GPR179: variants seen among roughly 807,000 people sequenced by gnomAD.
GPR179 encodes the protein G protein-coupled receptor 179, also known as probable G protein-coupled receptor 179.
A neutral mutation model predicts 70.8 loss-of-function variants in GPR179; 52 were observed. The observed-to-expected ratio is 0.73, with a 90% CI of 0.59 to 0.93. The LOEUF is 0.93. Ranked by LOEUF, GPR179 falls within the 40% of genes least tolerant of loss-of-function variation. GPR179 has a pLI of 0.00. For synonymous variants in GPR179, 1,123 were observed against 1,169.0 expected, an observed-to-expected ratio of 0.96 and a Z score of 0.80; for missense variants, 2,734 against 2,966.8, an observed-to-expected ratio of 0.92 and a Z score of 1.82.
Position 38,328,144 on chromosome 17 carries a change from C to T in GPR179, c.5425G>A (p.Ala1809Thr), listed in dbSNP as rs1444220120. Reference protein sequence around the residue: ...GEVCPWEAQEAATSEKAKICP... With the variant: ...GEVCPWEAQETATSEKAKICP... ...ATCTTGGCTTTTTCACTGGTAGCAG[C>T]TTCCTGTGCTTCCCAGGGACACACT... The change falls in exon 11 of 11, where the codon GCT (alanine) becomes ACT (threonine). Residue 1809 changes from alanine to threonine, a missense_variant. Transcript: ENST00000616987. 2.5e-6 allele frequency: 4 copies of T among 1,611,372 alleles called. No individual in the cohort carries two copies. The highest frequency in any genetic ancestry group is 2.2e-5 in the South Asian group (2 of 90,942).
Position 38,343,818 on chromosome 17 carries a change from T to G in GPR179, c.-29A>C. ...TGGGGCAGCTCTCAGGACCCTGGGG[T>G]CCAGGCTCAGGAGAGCCCAGGCAGA... On this transcript the variant is annotated 5_prime_UTR_variant, in exon 1 of 11. Coordinates refer to ENST00000616987, the MANE Select transcript of GPR179 (RefSeq NM_001004334.4). The surrounding 1 kb of genome is among the most constrained non-coding windows in gnomAD (Gnocchi z 4.2). 1 of 1,467,160 alleles carries G rather than the reference T, an allele frequency of 6.8e-7. No individual in the cohort carries two copies. The highest frequency in any genetic ancestry group is 2.0e-4 in the Middle Eastern group (1 of 4,910). 90.9% of individuals were successfully genotyped at this position (1,467,160 alleles called of 1,614,324 possible).
At position 38,339,450 on chromosome 17, in the gene GPR179, A is replaced by AC. The variant is rs773557322; in HGVS notation, c.869_870insG (p.Asn291Ter). The stretch of plus-strand genomic sequence containing the variant: ...TGTTGAGATCACACAGGTGTGTGTT[A>AC]GAGTACCAGCCTGGGCCACTTGCAC... On this transcript the variant is annotated frameshift_variant, in exon 2 of 11. Transcript: ENST00000616987. LOFTEE classifies it high-confidence loss of function. 1.9e-6 allele frequency: 3 copies of AC among 1,613,634 alleles called. No homozygotes were observed. Among genetic ancestry groups the AC allele is most frequent in the Non-Finnish European group, 2.5e-6 (3 of 1,179,610 alleles).
rs972194937 is a variant in GPR179 at position 38,335,282 on chromosome 17, T to A, written c.1407-11A>T. The A allele has an allele frequency of 1.9e-6, 3 of 1,542,312 alleles. No homozygotes were observed. The Admixed American group carries it at 5.9e-5, about 30-fold the overall frequency. On this transcript the variant is annotated splice_polypyrimidine_tract_variant and intron_variant, in intron 6 of 10. Transcript: ENST00000616987. ...AACAGCTGCAGCACTCTGCGAGGGT[T>A]AGAATACACAGGGTGGATGGCAGGG...
At position 38,326,736 on chromosome 17, in the gene GPR179, A is replaced by G. The variant is rs1395090696; in HGVS notation, c.6833T>C (p.Leu2278Ser). 2 of 1,614,116 alleles carry G rather than the reference A, an allele frequency of 1.2e-6. No homozygotes were observed. Among genetic ancestry groups the G allele is most frequent in the Non-Finnish European group, 1.7e-6 (2 of 1,180,044 alleles). Residue 2278 changes from leucine (L) to serine (S), a missense_variant, in exon 11 of 11, where the codon TTA becomes TCA. Leu to Ser is a moderately radical substitution (Grantham distance 145). Coordinates refer to ENST00000616987, the MANE Select transcript of GPR179 (RefSeq NM_001004334.4). ...GAAGTGATCCAGAGGCCCATGGACT[A>G]AAAGGCATAGTGGTTTTTCAGGAGC... ...PTAPEKPLCL[L>S]VHGPLDHFFP... is the part of the protein sequence containing the mutation.
At chr17:38,340,537 G>A (rs942016216) in intron 1 of GPR179, among the ~76,000 whole-genome samples, 4 of 152,172 alleles carry the variant, frequency 2.6e-5, no homozygotes, top group East Asian at 1.9e-4. Context: ...CCACCTGGGC[G>A]TCCCAAAGTG....
Position 38,343,409 on chromosome 17 carries a change from C to T in GPR179, c.381G>A (p.Val127=). 1.2e-6 allele frequency: 2 copies of T among 1,614,190 alleles called. No individual in the cohort carries two copies. The highest frequency in any genetic ancestry group is 1.7e-6 in the Non-Finnish European group (2 of 1,180,036). ...TGCGGACCAGTGCCTGGTACCATTC[C>T]ACATCCTCCTCCACACTGGACTCAC... ...DIRESSVEED[V]EWYQALVRSV... Residue 127 remains valine (V), a synonymous_variant, in exon 1 of 11, where the codon GTG becomes GTA. Transcript: ENST00000616987. The surrounding 1 kb of genome is among the most constrained non-coding windows in gnomAD (Gnocchi z 4.2).
chr17:38,337,191 C>G lies in GPR179; in HGVS notation c.1014G>C (p.Gln338His). 2 of 1,612,140 alleles carry G rather than the reference C, an allele frequency of 1.2e-6. No homozygotes were observed. The highest frequency in any genetic ancestry group is 1.7e-6 in the Non-Finnish European group (2 of 1,179,424). ...PSGGLEESDFQTTGQFGFPEG... is the reference protein window; with the variant it reads ...PSGGLEESDFHTTGQFGFPEG... ...CTGGGAACCCGAATTGCCCGGTAGT[C>G]TGGAAGTCACTCTCCTCTAACCCTA... Residue 338 changes from glutamine (Q) to histidine (H), a missense_variant, in exon 4 of 11, where the codon CAG becomes CAC. Physicochemically the swap from Gln to His is conservative, Grantham distance 24 (BLOSUM62 0). Coordinates refer to ENST00000616987, the MANE Select transcript of GPR179 (RefSeq NM_001004334.4).
rs1181209948 is a variant in GPR179 at position 38,330,657 on chromosome 17, G to A, written c.2912C>T (p.Thr971Ile). 2 of 1,597,998 alleles carry A rather than the reference G, an allele frequency of 1.3e-6. No individual in the cohort carries two copies. The highest frequency in any genetic ancestry group is 1.7e-6 in the Non-Finnish European group (2 of 1,170,824). Residue 971 changes from threonine to isoleucine, a missense_variant, in exon 11 of 11, where the codon ACC becomes ATC. Coordinates refer to ENST00000616987, the MANE Select transcript of GPR179 (RefSeq NM_001004334.4). ...GACTGGTGCCAGGGCAGGGGCTGGG[G>A]TTGGAGCTAGAGCTGGCAGCAGAGC... Reference protein sequence around the residue: ...APALLPALAPTPAPALAPVPV... With the variant: ...APALLPALAPIPAPALAPVPV...
intron 1 of GPR179, among the ~76,000 whole-genome samples, chr17:38,339,994 G>A (rs2144277456): frequency 6.6e-6 from 1 of 152,334 alleles, no homozygotes; most frequent in South Asian, 2.1e-4. Context: ...CCAAGAGGAA[G>A]CTGAACAGAG....
At chr17:38,340,913 T>A (rs1567727801) in intron 1 of GPR179, among the ~76,000 whole-genome samples, 1 of 151,978 alleles carries the variant, frequency 6.6e-6, no homozygotes, top group Non-Finnish European at 1.5e-5. Flanking sequence ...CAAGAGTCCA[T>A]CTCAAAAACA....
Position 38,326,283 on chromosome 17 carries a change from A to G in GPR179, c.*182T>C, listed in dbSNP as rs1041351807. 1 of 541,646 alleles carries G rather than the reference A, an allele frequency of 1.8e-6. No homozygotes were observed. Among genetic ancestry groups the G allele is most frequent in the Non-Finnish European group, 3.2e-6 (1 of 307,996 alleles). 33.6% of individuals were successfully genotyped at this position (541,646 alleles called of 1,614,324 possible). A position where few individuals can be genotyped will look rare whatever the true frequency, so the allele number is the denominator to read the frequency against. ...AAGTAAAGAGAGGGTGGGCCTTCCCATTGGGGTCTAAGCTGTACCCTTTTC... is the reference window on the plus strand; with the variant it reads ...AAGTAAAGAGAGGGTGGGCCTTCCCGTTGGGGTCTAAGCTGTACCCTTTTC... On this transcript the variant is annotated 3_prime_UTR_variant, in exon 11 of 11. Coordinates refer to ENST00000616987, the MANE Select transcript of GPR179 (RefSeq NM_001004334.4).
rs751495023 is a variant in GPR179 at position 38,327,271 on chromosome 17, T to TGCCTCTGCTTCTGTCAGAAGC, written c.6277_6297dup (p.Ala2093_Gly2099dup). On this transcript the variant is annotated inframe_insertion, in exon 11 of 11. Coordinates refer to ENST00000616987, the MANE Select transcript of GPR179 (RefSeq NM_001004334.4). ...TCCACACTGCCTGCTGCCTCAGAACTGCCTCTGCTTCTGTCAGAAGCATCT... is the reference window on the plus strand; with the variant it reads ...TCCACACTGCCTGCTGCCTCAGAACTGCCTCTGCTTCTGTCAGAAGCGCCTCTGCTTCTGTCAGAAGCATCT... 11 of 1,614,120 alleles carry TGCCTCTGCTTCTGTCAGAAGC rather than the reference T, an allele frequency of 6.8e-6. No individual in the cohort carries two copies. The highest frequency in any genetic ancestry group is 1.3e-5 in the African/African-American group (1 of 74,948).
In GPR179 at chr17:38,330,886, G is replaced by T; in HGVS notation, c.2683C>A (p.Arg895=). The T allele has an allele frequency of 1.2e-6, 2 of 1,601,568 alleles. No homozygotes were observed. ...GGTGGAGCTGACAGGGGGGCCCCTC[G>T]AGGCCGCTCCAGCCTCCTGGCTGAT... The part of the protein sequence containing the change: ...RPSARRLERP[R]GAPLSAPPSP... The change falls in exon 11 of 11, where the codon CGA becomes AGA. Residue 895 remains arginine (R), a synonymous_variant. Transcript: ENST00000616987.
intron 9 of GPR179, 21 bp from the exon 10 acceptor site, chr17:38,333,418 T>A: frequency 1.2e-6 from 2 of 1,609,248 alleles, no homozygotes; most frequent in African/African-American, 1.3e-5. Context: ...TGCATAAGAG[T>A]GGGAAAAAGA....
chr17:38,327,903 G>A lies in GPR179; in HGVS notation c.5666C>T (p.Pro1889Leu). Residue 1889 changes from proline to leucine, a missense_variant, in exon 11 of 11, where the codon CCC becomes CTC. Pro to Leu is a moderately conservative substitution (Grantham distance 98). Coordinates refer to ENST00000616987, the MANE Select transcript of GPR179 (RefSeq NM_001004334.4). Reference sequence around the variant, plus strand: ...GCTGCTGGGCAAGTCTGAGATCTTGGGGGCCTGAGCAGGGGATTCCCTCAA... The same window carrying A: ...GCTGCTGGGCAAGTCTGAGATCTTGAGGGCCTGAGCAGGGGATTCCCTCAA... Reference protein sequence around the residue: ...KDLRESPAQAPKISDLPSSMS... With the variant: ...KDLRESPAQALKISDLPSSMS... 1 of 1,614,138 alleles carries A rather than the reference G, an allele frequency of 6.2e-7. No homozygotes were observed.
At position 38,330,530 on chromosome 17, in the gene GPR179, TG is replaced by T. The variant is rs1232891353; in HGVS notation, c.3038del (p.Ser1013Ter). The T allele has an allele frequency of 1.6e-5, 25 of 1,564,716 alleles. No homozygotes were observed. The highest frequency in any genetic ancestry group is 2.1e-5 in the Non-Finnish European group (24 of 1,157,814). On this transcript the variant is annotated frameshift_variant, in exon 11 of 11. Transcript: ENST00000616987. LOFTEE classifies it low-confidence loss of function (END_TRUNC). ...GGGAGTGGTGGCCTCGCTCTGGCCC[TG>T]AGGGGCCTTCCTGGGGCACATTTTC... The part of the protein sequence containing the change: ...KQENVPQEGP[S>X]GPERGHHSPA...
In GPR179 at chr17:38,337,115, T is replaced by G. The variant is rs2037411888; in HGVS notation, c.1090A>C (p.Thr364Pro). 3 of 1,612,136 alleles carry G rather than the reference T, an allele frequency of 1.9e-6. No individual in the cohort carries two copies. Among genetic ancestry groups the G allele is most frequent in the Non-Finnish European group, 2.5e-6 (3 of 1,179,360 alleles). ...LQCLPCPEGC[T>P]SCMDATPCLV... ...CACGGTGTGGCATCCATGCAGCTGG[T>G]GCAGCCCTCAGGACATGGCAGACAC... Residue 364 changes from threonine to proline, a missense_variant, in exon 4 of 11, where the codon ACC (threonine) becomes CCC (proline). Thr to Pro is a conservative substitution (Grantham distance 38). Transcript: ENST00000616987.
In GPR179 at chr17:38,331,212, A is replaced by C; in HGVS notation, c.2357T>G (p.Leu786Arg). The part of the protein sequence containing the change: ...DQRREQDPPL[L>R]DSLLRRKLAK... ...CAGCTTCCTCCTCAGCAGTGAGTCA[A>C]GAAGAGGCGGGTCCTGCTCCCTGCG... The change falls in exon 11 of 11, where the codon CTT (leucine) becomes CGT (arginine). Residue 786 changes from leucine (L) to arginine (R), a missense_variant. By Grantham distance (102) the Leu-to-Arg change is moderately radical. Coordinates refer to ENST00000616987, the MANE Select transcript of GPR179 (RefSeq NM_001004334.4). 1.9e-6 allele frequency: 3 copies of C among 1,606,238 alleles called. No homozygotes were observed. Among genetic ancestry groups the C allele is most frequent in the Non-Finnish European group, 2.5e-6 (3 of 1,177,456 alleles).
In GPR179 at chr17:38,335,291, CAG is replaced by C; in HGVS notation, c.1407-22_1407-21del. The C allele has an allele frequency of 6.5e-7, 1 of 1,529,490 alleles. No individual in the cohort carries two copies. Among genetic ancestry groups the C allele is most frequent in the Non-Finnish European group, 8.9e-7 (1 of 1,129,592 alleles). 94.7% of individuals were successfully genotyped at this position (1,529,490 alleles called of 1,614,324 possible). ...AGCACTCTGCGAGGGTTAGAATACA[CAG>C]GGTGGATGGCAGGGACCTGGGTGGA... On this transcript the variant is annotated intron_variant, in intron 6 of 10. Transcript: ENST00000616987.
Sources: gnomAD v4.1 joint callset for allele counts (sites outside exome capture counted in the v4.1 genomes callset) on GRCh38, gnomAD v4.1.1 for gene constraint, Gnocchi (gnomAD v3.1) non-coding constraint, MANE v1.5 for transcripts, NCBI Gene and HGNC (gene_info 2026-07-23, HGNC 2026-07-21) for gene names.